IQCM: variants seen among roughly 807,000 people sequenced by gnomAD.
IQCM encodes the protein IQ motif containing M.
IQCM carries 45 observed loss-of-function variants against 57.6 expected under a neutral mutation model. The observed-to-expected ratio is 0.78, with a 90% CI of 0.62 to 1.00. The LOEUF is 1.00. IQCM is among the 50% of genes least tolerant of loss of function. The probability of loss-of-function intolerance (pLI) is 0.00; values close to 1 mark genes in which losing one functional copy is unlikely to be tolerated. For missense variants in IQCM, 468 were observed against 511.6 expected (o/e 0.91, Z 0.82); for synonymous variants, 148 against 158.9 (o/e 0.93, Z 0.51).
chr4:149,651,751 A>G (rs924603813), intron 7 of IQCM, among the ~76,000 whole-genome samples: 2 of 152,160 alleles, frequency 1.3e-5, no homozygotes, highest in South Asian at 4.1e-4. Flanking sequence ...GCCTAAGAAG[A>G]TTTTGGGGTC....
intron 9 of IQCM, 25 bp from the exon 10 acceptor site, chr4:149,563,915 T>C (rs1283881962): frequency 8.2e-6 from 9 of 1,100,324 alleles, no homozygotes; most frequent in Middle Eastern, 3.4e-4. Flanking sequence ...AATTTCTTAT[T>C]ATACATAATA....
At chr4:149,612,478 GTTA>G (rs1755386420) in intron 8 of IQCM, among the ~76,000 whole-genome samples, 1 of 152,086 alleles carries the variant, frequency 6.6e-6, no homozygotes, top group Non-Finnish European at 1.5e-5. Flanking sequence ...AACAAGGTGA[GTTA>G]TTAATATATA....
At chr4:149,388,567 T>A (rs1731605457) in intron 13 of IQCM, among the ~76,000 whole-genome samples, 1 of 132,028 alleles carries the variant, frequency 7.6e-6, no homozygotes, top group Non-Finnish European at 1.6e-5. Flanking sequence ...TATATTTATA[T>A]ACATAAATAT....
chr4:149,524,635 C>T (rs1745981589), intron 12 of IQCM, among the ~76,000 whole-genome samples: 1 of 151,060 alleles, frequency 6.6e-6, no homozygotes, highest in African/African-American at 2.4e-5. Flanking sequence ...ATAAAATAAG[C>T]AAAAAATAAA....
chr4:149,501,103 G>A (rs563537256), intron 12 of IQCM, among the ~76,000 whole-genome samples: 19 of 152,170 alleles, frequency 1.2e-4, no homozygotes, highest in Non-Finnish European at 1.6e-4. Context: ...GCTCACATGC[G>A]GTTACTTCCC....
intron 12 of IQCM, among the ~76,000 whole-genome samples, chr4:149,492,733 A>C (rs1742227052): frequency 6.6e-6 from 1 of 152,148 alleles, no homozygotes; most frequent in Admixed American, 6.6e-5. Flanking sequence ...TTTGCCCTAG[A>C]GACAAGATCC....
chr4:149,479,270 C>G (rs952926958), intron 12 of IQCM, among the ~76,000 whole-genome samples: 2 of 152,262 alleles, frequency 1.3e-5, no homozygotes, highest in Admixed American at 6.5e-5. Flanking sequence ...AGATTCCTCT[C>G]AAATGGCATG....
intron 8 of IQCM, among the ~76,000 whole-genome samples, chr4:149,613,917 A>G (rs895081716): frequency 1.3e-5 from 2 of 152,120 alleles, no homozygotes; most frequent in African/African-American, 2.4e-5. Flanking sequence ...TTTTATGGCT[A>G]CATAGCATTC....
chr4:149,720,010 T>C (rs935170197), intron 5 of IQCM, among the ~76,000 whole-genome samples: 2 of 152,104 alleles, frequency 1.3e-5, no homozygotes, highest in African/African-American at 2.4e-5. Flanking sequence ...TTTCACTTCC[T>C]CAGAAGAGGT....
intron 8 of IQCM, among the ~76,000 whole-genome samples, chr4:149,600,450 A>T (rs1754173940): frequency 6.6e-6 from 1 of 152,210 alleles, no homozygotes; most frequent in Non-Finnish European, 1.5e-5. Context: ...ACAGGCGGGA[A>T]GTTTTTAATC....
chr4:149,700,229 C>T (rs921859641), intron 5 of IQCM, among the ~76,000 whole-genome samples: 2 of 152,048 alleles, frequency 1.3e-5, no homozygotes, highest in East Asian at 1.9e-4. Context: ...CTGACATACT[C>T]CTTTCCTTCA....
chr4:149,648,443 C>T (rs1561103283), intron 7 of IQCM, among the ~76,000 whole-genome samples: 3 of 152,058 alleles, frequency 2.0e-5, no homozygotes, highest in East Asian at 1.9e-4. Context: ...TCCAGTCTAT[C>T]GTTGGACATT....
intron 13 of IQCM, among the ~76,000 whole-genome samples, chr4:149,392,961 G>A (rs1193962058): frequency 1.3e-5 from 2 of 152,008 alleles, no homozygotes; most frequent in African/African-American, 4.8e-5. Flanking sequence ...GCTTAGGCTA[G>A]GAGTTAGACA....
chr4:149,690,207 T>C (rs1762848069), intron 5 of IQCM, among the ~76,000 whole-genome samples: 2 of 152,094 alleles, frequency 1.3e-5, no homozygotes, highest in African/African-American at 4.8e-5. Flanking sequence ...GGTGTATGCA[T>C]GTATATACAC....
At chr4:149,707,727 T>A (rs1260998302) in intron 5 of IQCM, among the ~76,000 whole-genome samples, 1 of 151,968 alleles carries the variant, frequency 6.6e-6, no homozygotes, top group South Asian at 2.1e-4. Context: ...TAAGTAATAA[T>A]GTTCTTGTCT....
chr4:149,431,200 C>G (rs1734827390), intron 13 of IQCM, among the ~76,000 whole-genome samples: 2 of 151,778 alleles, frequency 1.3e-5, no homozygotes, highest in South Asian at 4.1e-4. Flanking sequence ...GTGAGATTCT[C>G]TTTCAAAAAG....
At chr4:149,615,576 C>T (rs1007922171) in intron 8 of IQCM, among the ~76,000 whole-genome samples, 2 of 151,978 alleles carry the variant, frequency 1.3e-5, no homozygotes, top group South Asian at 2.1e-4. Flanking sequence ...ACATATAGCA[C>T]TATTGATTTT....
intron 13 of IQCM, among the ~76,000 whole-genome samples, chr4:149,425,264 A>G (rs1734386872): frequency 6.6e-6 from 1 of 152,024 alleles, no homozygotes; most frequent in Non-Finnish European, 1.5e-5. Context: ...AACAGATCCA[A>G]TAGGCTATAT....
chr4:149,527,981 GTTTTTTGT>G (rs1351440371), intron 12 of IQCM, among the ~76,000 whole-genome samples: 2 of 63,738 alleles, frequency 3.1e-5, no homozygotes, highest in African/African-American at 1.3e-4. Flanking sequence ...GATTTATCTT[GTTTTTTGT>G]TTTTTTTTTT....
Sources: allele counts gnomAD v4.1 joint callset (sites outside exome capture counted in the v4.1 genomes callset), GRCh38; gene constraint gnomAD v4.1.1; transcripts MANE v1.5; gene names NCBI Gene and HGNC (gene_info 2026-07-23, HGNC 2026-07-21).